Variants in ATR observed in about 807,000 individuals in gnomAD.
ATR encodes the protein ATR checkpoint kinase.
In ATR, 142 loss-of-function variants were observed where a neutral mutation model predicts 305.3. The ratio of observed to expected loss-of-function variants is 0.47; its 90% CI spans 0.41 to 0.53. The LOEUF (loss-of-function observed/expected upper bound fraction) is 0.53. ATR is among the 20% of genes least tolerant of loss of function. The pLI is 0.00. For missense variants in ATR, 2,135 were observed against 3,133.1 expected (o/e 0.68, Z 7.60); for synonymous variants, 1,050 against 1,068.1 (o/e 0.98, Z 0.33).
intron 1 of ATR, among the ~76,000 whole-genome samples, chr3:142,569,857 G>T (rs1369130687): frequency 1.3e-5 from 2 of 151,560 alleles, no homozygotes; most frequent in Non-Finnish European, 1.5e-5. Context: ...ATGTTGGCCA[G>T]GATGGTCTCA....
chr3:142,473,067 T>C (rs1055051211), intron 36 of ATR, among the ~76,000 whole-genome samples: 5 of 152,240 alleles, frequency 3.3e-5, no homozygotes, highest in African/African-American at 1.2e-4. Context: ...ACTCTGTTGA[T>C]TGTTTCCTTG....
chr3:142,535,429 C>T (rs2033822529), intron 20 of ATR, among the ~76,000 whole-genome samples: 1 of 151,774 alleles, frequency 6.6e-6, no homozygotes, highest in Non-Finnish European at 1.5e-5. Flanking sequence ...AAATTTTATC[C>T]CAACTAAGTA....
At chr3:142,450,524 T>C in intron 46 of ATR, 2 of 1,605,812 alleles carry the variant, frequency 1.2e-6, no homozygotes, top group Non-Finnish European at 8.5e-7. Flanking sequence ...ATTTCTCATA[T>C]CCAGAAAATC....
chr3:142,494,904 T>C (rs1401305661), intron 34 of ATR, among the ~76,000 whole-genome samples: 1 of 152,212 alleles, frequency 6.6e-6, no homozygotes, highest in Non-Finnish European at 1.5e-5. Flanking sequence ...CTAAAATGGT[T>C]GTTAATATTG....
chr3:142,523,121 C>G (rs1015992998), intron 22 of ATR, among the ~76,000 whole-genome samples: 1 of 151,876 alleles, frequency 6.6e-6, no homozygotes, highest in African/African-American at 2.4e-5. Flanking sequence ...GTTTTTTAAC[C>G]CTTAAAAAGC....
At chr3:142,566,071 AG>A in intron 3 of ATR, 49 bp downstream of exon 3, 1 of 1,610,472 alleles carries the variant, frequency 6.2e-7, no homozygotes, top group African/African-American at 1.3e-5. Flanking sequence ...CAGTAAAAGG[AG>A]GATTTTATAG....
chr3:142,449,647 G>T (rs1304794423), intron 46 of ATR, 45 bp from the exon 47 acceptor site: 1 of 1,573,000 alleles, frequency 6.4e-7, no homozygotes. Context: ...TTAATAATTT[G>T]GAATTACTAC....
intron 3 of ATR, among the ~76,000 whole-genome samples, chr3:142,563,515 C>T (rs908922133): frequency 4.6e-5 from 7 of 152,174 alleles, no homozygotes; most frequent in Non-Finnish European, 4.4e-5. Context: ...CTGTCATGAA[C>T]CACACCGATA....
At chr3:142,577,447 G>A (rs549227747) in intron 1 of ATR, among the ~76,000 whole-genome samples, 1 of 152,314 alleles carries the variant, frequency 6.6e-6, no homozygotes, top group East Asian at 1.9e-4. Context: ...TCTTCTTTTA[G>A]AGAGGTAGAG....
chr3:142,473,413 G>A (rs767060893), intron 36 of ATR, among the ~76,000 whole-genome samples: 1 of 152,144 alleles, frequency 6.6e-6, no homozygotes, highest in South Asian at 2.1e-4. Flanking sequence ...GACTGTAAAT[G>A]CGTGGATTCA....
In ATR at chr3:142,497,287, T is replaced by A. The variant is rs1055235128; in HGVS notation, c.5559-95A>T. ...GTACTTTAAATCAGAAATAAAGAAT[T>A]TAAAATACACAGTTGTCTTTGGTAG... On this transcript the variant is annotated intron_variant, in intron 32 of 46. Coordinates refer to ENST00000350721, the MANE Select transcript of ATR (RefSeq NM_001184.4). 4 of 1,273,556 alleles carry A rather than the reference T, an allele frequency of 3.1e-6. No individual in the cohort carries two copies. In the African/African-American group the frequency reaches 6.0e-5, roughly 19 times the overall value. 78.9% of individuals were successfully genotyped at this position (1,273,556 alleles called of 1,614,324 possible). A position where few individuals can be genotyped will look rare whatever the true frequency, so the allele number is the denominator to read the frequency against.
At chr3:142,465,414 A>G (rs2071105807) in intron 40 of ATR, 174 bp from the exon 41 acceptor site, 1 of 434,046 alleles carries the variant, frequency 2.3e-6, no homozygotes. Context: ...TATGAAAAGA[A>G]TGACTGTCTA....
chr3:142,491,690 C>T lies in ATR; in HGVS notation c.6078+1442G>A, dbSNP rs563257978. 1.8e-4 allele frequency among the ~76,000 whole-genome samples: 28 copies of T among 152,322 alleles called. No homozygotes were observed. In the South Asian group the frequency reaches 5.8e-3, roughly 32 times the overall value. ...GTTAGTTTCTTAGGTGGCATGACAT[C>T]TTCTTGTAACCAAGGAACAGGAGCT... On this transcript the variant is annotated intron_variant, in intron 35 of 46. Transcript: ENST00000350721.
At chr3:142,531,541 T>C (rs1371192216) in intron 21 of ATR, among the ~76,000 whole-genome samples, 1 of 152,164 alleles carries the variant, frequency 6.6e-6, no homozygotes, top group Non-Finnish European at 1.5e-5. Context: ...TTGCTGAGAA[T>C]GATGGTTTCC....
chr3:142,544,405 TTGCACCAC>T (rs2034181164), intron 16 of ATR, among the ~76,000 whole-genome samples: 1 of 127,044 alleles, frequency 7.9e-6, no homozygotes, highest in Non-Finnish European at 1.6e-5. Context: ...TGGGCTGAGA[TTGCACCAC>T]TGCAGTCCAG....
At chr3:142,573,171 C>A (rs572466010) in intron 1 of ATR, among the ~76,000 whole-genome samples, 1 of 152,174 alleles carries the variant, frequency 6.6e-6, no homozygotes, top group East Asian at 1.9e-4. Context: ...AAGGGCCAGG[C>A]GTGGTGGCTC....
rs142903351 is a variant in ATR at position 142,542,743 on chromosome 3, T to C, written c.3372A>G (p.Gln1124=). 123 of 1,612,148 alleles carry C rather than the reference T, an allele frequency of 7.6e-5. No individual in the cohort carries two copies. In the African/African-American group the frequency reaches 1.5e-3, roughly 20 times the overall value. The part of the protein sequence containing the change: ...ISPELMADYL[Q]PKLLGILAFF... Reference sequence around the variant, plus strand: ...AAGCCAAAATGCCCAACAATTTGGGTTGTAAATAATCAGCCTAAGAAATAA... The same window carrying C: ...AAGCCAAAATGCCCAACAATTTGGGCTGTAAATAATCAGCCTAAGAAATAA... Residue 1124 remains glutamine (Q), a synonymous_variant, in exon 17 of 47, where the codon CAA becomes CAG. Transcript: ENST00000350721.
At chr3:142,501,985 G>C (rs191657227) in intron 30 of ATR, among the ~76,000 whole-genome samples, 89 of 152,206 alleles carry the variant, frequency 5.8e-4, no homozygotes, top group African/African-American at 2.0e-3. Flanking sequence ...GGCCTCAAAT[G>C]ATACACCCGC....
rs2032623470 is a variant in ATR, at chr3:142,512,395, G to C, written c.4717C>G (p.Leu1573Val). Residue 1573 changes from leucine to valine, a missense_variant, in exon 27 of 47, where the codon CTG (leucine) becomes GTG (valine). Physicochemically the swap from Leu to Val is conservative, Grantham distance 32 (BLOSUM62 1). Coordinates refer to ENST00000350721, the MANE Select transcript of ATR (RefSeq NM_001184.4). ...ACAGTCTGTGTACTGAGTTGACACA[G>C]ATCAGATGCAATGTCTTGGGTATTT... Reference protein sequence around the residue: ...TINTQDIASDLCQLSTQTVFS... With the variant: ...TINTQDIASDVCQLSTQTVFS... 1 of 1,613,796 alleles carries C rather than the reference G, an allele frequency of 6.2e-7. No homozygotes were observed. The highest frequency in any genetic ancestry group is 1.3e-5 in the African/African-American group (1 of 74,904).
Sources: allele counts gnomAD v4.1 joint callset (sites outside exome capture counted in the v4.1 genomes callset), GRCh38; gene constraint gnomAD v4.1.1; transcripts MANE v1.5; gene names NCBI Gene and HGNC (gene_info 2026-07-23, HGNC 2026-07-21).